The following HNRNPH1 variants were observed in gnomAD, a reference collection of about 807,000 sequenced individuals.
HNRNPH1 encodes the protein heterogeneous nuclear ribonucleoprotein H.
HNRNPH1 carries 4 observed loss-of-function variants against 58.6 expected under a neutral mutation model. The ratio of observed to expected loss-of-function variants is 0.07; its 90% CI spans 0.03 to 0.16. The LOEUF (loss-of-function observed/expected upper bound fraction) is 0.16. Among genes scored for constraint, HNRNPH1 ranks in the 10% least tolerant of loss-of-function variants. The pLI, the probability that HNRNPH1 is intolerant of heterozygous loss-of-function variation, is 1.00. For missense variants in HNRNPH1, 271 were observed against 564.2 expected (o/e 0.48, Z 5.26); for synonymous variants, 192 against 189.2 (o/e 1.01, Z -0.12).
At chr5:179,618,441 T>C in intron 4 of HNRNPH1, 118 bp from the exon 6 acceptor site, 1 of 636,942 alleles carries the variant, frequency 1.6e-6, no homozygotes, top group Non-Finnish European at 2.6e-6. Flanking sequence ...CTGACTAATA[T>C]TTAAAGCCAG....
intron 2 of HNRNPH1, 54 bp downstream of exon 3, chr5:179,621,188 G>C (rs1419291263): frequency 6.4e-6 from 10 of 1,555,144 alleles, no homozygotes; most frequent in Non-Finnish European, 8.9e-6. Context: ...GAAGGGGTGA[G>C]ACCTCTATTG....
At chr5:179,624,612 G>T (rs1186152449) in exon 1 of HNRNPH1, 1 of 398,632 alleles carries the variant, frequency 2.5e-6, no homozygotes, top group Admixed American at 4.4e-5. Context: ...AGGCCCCCGG[G>T]TCACCCCATG....
chr5:179,615,825 A>C (rs1769275908), intron 11 of HNRNPH1: 1 of 522,662 alleles, frequency 1.9e-6, no homozygotes, highest in Admixed American at 3.6e-5. Context: ...ACATGGAGGC[A>C]GATATTTTCT....
chr5:179,621,652 C>T (rs1281659137), intron 1 of HNRNPH1: 3 of 508,144 alleles, frequency 5.9e-6, no homozygotes, highest in African/African-American at 3.8e-5. Context: ...CTCTTTAGTC[C>T]TTGCTACTCA....
At chr5:179,615,158 C>A in intron 12 of HNRNPH1, 199 bp from the exon 14 acceptor site, 1 of 521,582 alleles carries the variant, frequency 1.9e-6, no homozygotes, top group Non-Finnish European at 3.4e-6. Flanking sequence ...TACCAACTTG[C>A]CAGACTCTTG....
At chr5:179,626,814 CGCCCAGGCT>C (rs1774443444), upstream of HNRNPH1, among the ~76,000 whole-genome samples, 1 of 142,086 alleles carries the variant, frequency 7.0e-6, no homozygotes, top group African/African-American at 2.6e-5. Flanking sequence ...CTCGCTCTGT[CGCCCAGGCT>C]GGAGTACAAT....
exon 1 of HNRNPH1, chr5:179,623,327 C>G: frequency 4.6e-6 from 2 of 433,394 alleles, no homozygotes; most frequent in Non-Finnish European, 8.7e-6. Flanking sequence ...ACCCCCAAAG[C>G]TGTCCTGAGC....
chr5:179,632,170 T>C (rs1419249229), intron 2 of HNRNPH1, among the ~76,000 whole-genome samples: 4 of 151,868 alleles, frequency 2.6e-5, no homozygotes, highest in Admixed American at 6.6e-5. Context: ...TATCCGGGCG[T>C]GGTGGCGGGT....
intron 1 of HNRNPH1, 119 bp from the exon 3 acceptor site, chr5:179,621,516 A>G: frequency 1.3e-6 from 1 of 788,390 alleles, no homozygotes; most frequent in South Asian, 1.8e-5. Context: ...AAGCCTATAT[A>G]TACTGACCAC....
upstream of HNRNPH1, among the ~76,000 whole-genome samples, chr5:179,625,099 AGGCAG>A (rs1774240545): frequency 6.6e-6 from 1 of 152,132 alleles, no homozygotes; most frequent in African/African-American, 2.4e-5. Flanking sequence ...CAGATGGAGC[AGGCAG>A]GGTGAATGAC....
At chr5:179,629,999 C>T (rs113276743) in intron 2 of HNRNPH1, among the ~76,000 whole-genome samples, 2,104 of 150,824 alleles carry the variant, frequency 0.014, 49 homozygotes, top group African/African-American at 0.046. Flanking sequence ...ACTCGAGCCT[C>T]GGTGACAGAA....
chr5:179,621,848 A>AG lies in HNRNPH1; in HGVS notation c.98-452dup, dbSNP rs1772520384. 6.9e-6 allele frequency: 3 copies of AG among 437,180 alleles called. No homozygotes were observed. In the Admixed American group the frequency reaches 8.1e-5, roughly 12 times the overall value. The allele number at this position is 437,180 out of a possible 1,614,324, so 27.1% of individuals were successfully genotyped here. On this transcript the variant is annotated intron_variant, in intron 1 of 12. Coordinates refer to ENST00000356731, the Ensembl canonical transcript of HNRNPH1. ...ATTACAAGCCCAATACTCACCTGAA[A>AG]GGGGATCAGTGTTACCAAGCTAAAA...
chr5:179,615,130 A>AACCC (rs1450395818), intron 12 of HNRNPH1, 171 bp from the exon 14 acceptor site: 2 of 590,756 alleles, frequency 3.4e-6, no homozygotes, highest in Non-Finnish European at 6.1e-6. Context: ...AGCCTCAATT[A>AACCC]ACCCCTTTTC....
At chr5:179,629,644 GA>G (rs1774678730), upstream of HNRNPH1, among the ~76,000 whole-genome samples, 1 of 152,096 alleles carries the variant, frequency 6.6e-6, no homozygotes, top group Admixed American at 6.6e-5. Flanking sequence ...TGATATTTTA[GA>G]TTTGATGGAA....
intron 2 of HNRNPH1, among the ~76,000 whole-genome samples, chr5:179,631,275 G>A (rs913147467): frequency 6.6e-6 from 1 of 152,034 alleles, no homozygotes; most frequent in Non-Finnish European, 1.5e-5. Flanking sequence ...AAAAGATCTA[G>A]AAAGGATCTT....
upstream of HNRNPH1, among the ~76,000 whole-genome samples, chr5:179,626,542 C>T (rs914362124): frequency 2.0e-5 from 3 of 151,070 alleles, 1 homozygote; most frequent in Non-Finnish European, 4.4e-5. Context: ...ATGGTGAAAC[C>T]CCGTCTCTAC....
At chr5:179,614,812 AC>A in exon 13 of HNRNPH1, 1 of 910,646 alleles carries the variant, frequency 1.1e-6, no homozygotes. Flanking sequence ...AAAAAGGTTG[AC>A]CAAGAGTCAG....
At chr5:179,614,180 C>A (rs1209566351) in exon 13 of HNRNPH1, 1 of 152,312 alleles carries the variant, frequency 6.6e-6, no homozygotes, top group Non-Finnish European at 1.5e-5. Flanking sequence ...AGACAGAGTG[C>A]AGTTTTTAAA....
chr5:179,618,487 C>CA (rs11373117), intron 4 of HNRNPH1, 164 bp from the exon 6 acceptor site: 66,530 of 483,320 alleles, frequency 0.14, 5,210 homozygotes, highest in South Asian at 0.19. Flanking sequence ...ACCAGAAATT[C>CA]ACTCAATAAA....
Sources: gnomAD v4.1 joint callset for allele counts (sites outside exome capture counted in the v4.1 genomes callset) on GRCh38, gnomAD v4.1.1 for gene constraint, MANE v1.5 for transcripts, NCBI Gene and HGNC (gene_info 2026-07-23, HGNC 2026-07-21) for gene names.